PLEKHM3: variants seen among roughly 807,000 people sequenced by gnomAD.
PLEKHM3 encodes pleckstrin homology domain containing M3, also known as pleckstrin homology domain-containing family M member 3.
PLEKHM3 carries 45 observed loss-of-function variants against 81.8 expected under a neutral mutation model. The observed-to-expected ratio is 0.55, with a 90% CI of 0.43 to 0.71. The LOEUF (loss-of-function observed/expected upper bound fraction) is 0.71, where lower values mean the gene tolerates loss of function less well. Ranked by LOEUF, PLEKHM3 falls within the 30% of genes least tolerant of loss-of-function variation. PLEKHM3 has a pLI of 0.00. For missense variants in PLEKHM3, 788 were observed against 924.3 expected (o/e 0.85, Z 1.91); for synonymous variants, 352 against 356.4 (o/e 0.99, Z 0.14).
At chr2:207,919,349 G>C (rs1689106954) in intron 5 of PLEKHM3, among the ~76,000 whole-genome samples, 1 of 152,200 alleles carries the variant, frequency 6.6e-6, no homozygotes, top group South Asian at 2.1e-4. Flanking sequence ...GTATGCCCTG[G>C]GCTTTTACTT....
chr2:207,837,761 ATTTTTTTTTTTTT>A (rs1194861994), intron 7 of PLEKHM3, among the ~76,000 whole-genome samples: 1 of 74,738 alleles, frequency 1.3e-5, no homozygotes, highest in Non-Finnish European at 2.4e-5. Context: ...CGGTTCTTCC[ATTTTTTTTTTTTT>A]TTTTTTTTTT....
chr2:207,856,687 C>A (rs1160104725), intron 7 of PLEKHM3, among the ~76,000 whole-genome samples: 1 of 152,148 alleles, frequency 6.6e-6, no homozygotes, highest in Non-Finnish European at 1.5e-5. Flanking sequence ...TATGGATATG[C>A]CACAGTTTAT....
chr2:207,867,831 C>T (rs1213778541), intron 6 of PLEKHM3, among the ~76,000 whole-genome samples: 3 of 152,030 alleles, frequency 2.0e-5, no homozygotes, highest in Non-Finnish European at 2.9e-5. Context: ...CTAGCCATCT[C>T]GGTAGGGGCT....
chr2:207,900,826 GT>G (rs1688397487), intron 6 of PLEKHM3: 1 of 157,354 alleles, frequency 6.4e-6, no homozygotes, highest in Non-Finnish European at 1.4e-5. Context: ...GGTGGCATAG[GT>G]TTCTACCACT....
At chr2:207,934,878 T>C (rs920002519) in intron 4 of PLEKHM3, among the ~76,000 whole-genome samples, 1 of 152,224 alleles carries the variant, frequency 6.6e-6, no homozygotes, top group Non-Finnish European at 1.5e-5. Context: ...TCTTGAATGT[T>C]GTTCAGGTTT....
chr2:208,007,331 C>T (rs1692526426), intron 1 of PLEKHM3, among the ~76,000 whole-genome samples: 1 of 152,156 alleles, frequency 6.6e-6, no homozygotes, highest in African/African-American at 2.4e-5. Flanking sequence ...ATGTGAAGGA[C>T]ACACCACAAG....
intron 6 of PLEKHM3, among the ~76,000 whole-genome samples, chr2:207,902,539 G>C (rs1219521966): frequency 5.9e-5 from 9 of 152,108 alleles, no homozygotes. Flanking sequence ...GGGTATGCTG[G>C]ACTAGCAAAA....
intron 7 of PLEKHM3, among the ~76,000 whole-genome samples, chr2:207,841,503 A>C (rs2092354050): frequency 7.5e-6 from 1 of 133,278 alleles, no homozygotes; most frequent in Non-Finnish European, 1.6e-5. Flanking sequence ...ATATATATAT[A>C]TATATTCACC....
At chr2:207,844,334 G>A (rs1210555341) in intron 7 of PLEKHM3, among the ~76,000 whole-genome samples, 4 of 137,494 alleles carry the variant, frequency 2.9e-5, no homozygotes, top group South Asian at 2.2e-4. Context: ...ACGGAGTCTC[G>A]CTCTGTTGCC....
chr2:207,935,366 T>C (rs1278465114), intron 4 of PLEKHM3, among the ~76,000 whole-genome samples: 1 of 151,626 alleles, frequency 6.6e-6, no homozygotes, highest in African/African-American at 2.4e-5. Flanking sequence ...GCGGTGGGAG[T>C]GTGGGAGATA....
chr2:207,963,199 G>A (rs1168703725), intron 3 of PLEKHM3, among the ~76,000 whole-genome samples: 3 of 152,156 alleles, frequency 2.0e-5, no homozygotes, highest in African/African-American at 4.8e-5. Context: ...GCTGGGGGTC[G>A]TGCTGGGGAT....
chr2:207,853,037 G>C (rs2092420663), intron 7 of PLEKHM3, among the ~76,000 whole-genome samples: 1 of 152,174 alleles, frequency 6.6e-6, no homozygotes, highest in African/African-American at 2.4e-5. Flanking sequence ...CTACTGGCCT[G>C]TCTGTCCCTA....
At chr2:207,886,600 G>A (rs1687892384) in intron 6 of PLEKHM3, among the ~76,000 whole-genome samples, 1 of 152,158 alleles carries the variant, frequency 6.6e-6, no homozygotes, top group Non-Finnish European at 1.5e-5. Context: ...ATGCTGCAAG[G>A]CCCTGAGCCT....
At chr2:207,924,258 C>A (rs1435942915) in intron 5 of PLEKHM3, among the ~76,000 whole-genome samples, 2 of 151,966 alleles carry the variant, frequency 1.3e-5, no homozygotes, top group Non-Finnish European at 2.9e-5. Flanking sequence ...GTGGGGATGT[C>A]CAGTACGCAG....
chr2:207,893,944 TG>T (rs1688142731), intron 6 of PLEKHM3, among the ~76,000 whole-genome samples: 1 of 151,998 alleles, frequency 6.6e-6, no homozygotes, highest in East Asian at 1.9e-4. Flanking sequence ...AGCGAGACCT[TG>T]TCTCTACTAA....
intron 5 of PLEKHM3, among the ~76,000 whole-genome samples, chr2:207,925,833 G>C (rs938288414): frequency 6.6e-6 from 1 of 152,060 alleles, no homozygotes; most frequent in African/African-American, 2.4e-5. Context: ...CATCTTCTGA[G>C]GAACTTTGAA....
Position 207,876,259 on chromosome 2 carries a change from C to T in PLEKHM3, c.1951-14997G>A, listed in dbSNP as rs1333250744. On this transcript the variant is annotated intron_variant, in intron 6 of 7. Coordinates refer to ENST00000427836, the MANE Select transcript of PLEKHM3 (RefSeq NM_001080475.3). ...TTTAAATAATGAATATGAATTGTCA[C>T]TTTTATAACAAATATTTAAATTGTT... 2.0e-5 allele frequency among the ~76,000 whole-genome samples: 3 copies of T among 151,918 alleles called. No individual in the cohort carries two copies. The East Asian group carries it at 5.8e-4, about 29-fold the overall frequency.
chr2:207,903,345 G>A (rs955404618), intron 6 of PLEKHM3, among the ~76,000 whole-genome samples: 3 of 152,020 alleles, frequency 2.0e-5, no homozygotes, highest in Admixed American at 6.6e-5. Context: ...GTGTGTGTGC[G>A]GGGGTGAGGT....
At chr2:207,895,189 T>A (rs1015385928) in intron 6 of PLEKHM3, among the ~76,000 whole-genome samples, 10 of 152,118 alleles carry the variant, frequency 6.6e-5, no homozygotes, top group Non-Finnish European at 1.0e-4. Flanking sequence ...TTTCTGGCCA[T>A]CCCTCCCTCT....
Sources: allele counts gnomAD v4.1 joint callset (sites outside exome capture counted in the v4.1 genomes callset), GRCh38; gene constraint gnomAD v4.1.1; transcripts MANE v1.5; gene names NCBI Gene and HGNC (gene_info 2026-07-23, HGNC 2026-07-21).